SEPTIN6: variants seen among roughly 807,000 people sequenced by gnomAD.
SEPTIN6 encodes the protein septin-6.
SEPTIN6 carries 8 observed loss-of-function variants against 33.6 expected under a neutral mutation model. The observed-to-expected ratio is 0.24, with a 90% confidence interval of 0.14 to 0.43. The LOEUF is 0.43. SEPTIN6 is among the 20% of genes least tolerant of loss of function. The probability of loss-of-function intolerance (pLI) is 1.00; values close to 1 mark genes in which losing one functional copy is unlikely to be tolerated. For synonymous variants in SEPTIN6, 131 were observed against 140.0 expected, an observed-to-expected ratio of 0.94 and a Z score of 0.45; for missense variants, 250 against 340.8, an observed-to-expected ratio of 0.73 and a Z score of 2.10.
At chrX:119,664,388 C>T (rs1012976575) in intron 2 of SEPTIN6, among the ~76,000 whole-genome samples, 1 of 112,045 alleles carries the variant, frequency 8.9e-6, no homozygotes, top group African/African-American at 3.2e-5. Context: ...ACAATATACT[C>T]TTACCAATGG....
rs752117453 is a variant in SEPTIN6, at chrX:119,654,084, A to C, written c.342-1044T>G. On this transcript the variant is annotated intron_variant, in intron 3 of 10. Coordinates refer to ENST00000394610, the MANE Select transcript of SEPTIN6 (RefSeq NM_145799.4). ...ACCCCATCTCCAAAAACAAACAAAC[A>C]AACAAACAAAGTATTCAGGCAAAAT... Among the ~76,000 whole-genome samples, 3 of 110,389 alleles carry C rather than the reference A, an allele frequency of 2.7e-5. No homozygotes were observed. The South Asian group carries it at 1.2e-3, about 43-fold the overall frequency.
intron 2 of SEPTIN6, among the ~76,000 whole-genome samples, chrX:119,666,665 G>A (rs1187793189): frequency 9.0e-6 from 1 of 111,638 alleles, no homozygotes; most frequent in Admixed American, 9.5e-5. Context: ...CAGAGTGTGG[G>A]GAAATGGTTC....
chrX:119,617,426 G>C lies in SEPTIN6; in HGVS notation c.*2667C>G, dbSNP rs1010392586. The C allele has an allele frequency of 2.5e-6, 2 of 802,807 alleles. No individual in the cohort carries two copies. Among genetic ancestry groups the C allele is most frequent in the Non-Finnish European group, 3.0e-6 (2 of 669,399 alleles). 66.2% of individuals were successfully genotyped at this position (802,807 alleles called of 1,213,427 possible). A position where few individuals can be genotyped will look rare whatever the true frequency, so the allele number is the denominator to read the frequency against. ...GTTCACCAAACTTCCCTGATTATAA[G>C]GGTCACCTAGGGCACCTGTTACACA... On this transcript the variant is annotated 3_prime_UTR_variant, in exon 11 of 11. Coordinates refer to ENST00000394610, the MANE Select transcript of SEPTIN6 (RefSeq NM_145799.4).
intron 3 of SEPTIN6, among the ~76,000 whole-genome samples, chrX:119,655,693 C>T (rs2054430174): frequency 1.8e-5 from 2 of 111,682 alleles, no homozygotes; most frequent in Non-Finnish European, 3.8e-5. Context: ...AGACTCCATC[C>T]CTCCCCATCA....
chrX:119,675,520 C>CTGTAATAGAA (rs777858643), intron 2 of SEPTIN6, 34 bp downstream of exon 2: 1 of 865,039 alleles, frequency 1.2e-6, no homozygotes, highest in South Asian at 2.9e-5. Context: ...GATCCATATT[C>CTGTAATAGAA]TGTAATAGAA....
intron 2 of SEPTIN6, among the ~76,000 whole-genome samples, chrX:119,669,876 GT>G (rs887207533): frequency 6.3e-5 from 7 of 111,561 alleles, no homozygotes; most frequent in Non-Finnish European, 9.4e-5. Context: ...TTGTGTGACT[GT>G]TTTTTTCCAT....
intron 5 of SEPTIN6, among the ~76,000 whole-genome samples, chrX:119,649,186 T>C (rs757413509): frequency 3.0e-4 from 31 of 102,424 alleles, no homozygotes; most frequent in African/African-American, 9.4e-4. Flanking sequence ...TGGCGTAATC[T>C]TGGCTCACTG....
chrX:119,651,443 T>G (rs1184666473), intron 4 of SEPTIN6, among the ~76,000 whole-genome samples: 11 of 111,716 alleles, frequency 9.8e-5, no homozygotes. Flanking sequence ...GAGGCCAAGG[T>G]GGGCAGATCA....
chrX:119,628,350 C>G (rs1299466804), intron 9 of SEPTIN6, among the ~76,000 whole-genome samples: 1 of 108,975 alleles, frequency 9.2e-6, no homozygotes, highest in African/African-American at 3.4e-5. Flanking sequence ...GCGATCTCAA[C>G]TCACTGCAAC....
chrX:119,642,748 G>C (rs1202591509), intron 5 of SEPTIN6, among the ~76,000 whole-genome samples: 2 of 111,548 alleles, frequency 1.8e-5, no homozygotes, highest in African/African-American at 6.5e-5. Context: ...CTTCAGAGCA[G>C]AAGAACACAG....
At chrX:119,675,116 C>CA (rs1444381564) in intron 2 of SEPTIN6, among the ~76,000 whole-genome samples, 3 of 111,136 alleles carry the variant, frequency 2.7e-5, no homozygotes, top group Non-Finnish European at 5.7e-5. Context: ...GTGGTGCCTG[C>CA]ACCCGAGCTC....
chrX:119,645,777 A>G lies in SEPTIN6; in HGVS notation c.690+4160T>C, dbSNP rs925431882. On this transcript the variant is annotated intron_variant, in intron 5 of 10. Coordinates refer to ENST00000394610, the MANE Select transcript of SEPTIN6 (RefSeq NM_145799.4). ...GATCTCTTGACCTTGTGATTCGCCC[A>G]CCTTGGCCTCCCAAAGTGCTGGGAT... Among the ~76,000 whole-genome samples, 11 of 110,507 alleles carry G rather than the reference A, an allele frequency of 1.0e-4. No homozygotes were observed. The Admixed American group carries it at 1.1e-3, about 11-fold the overall frequency.
At chrX:119,686,703 G>T in intron 1 of SEPTIN6, 1 of 636,057 alleles carries the variant, frequency 1.6e-6, no homozygotes, top group Non-Finnish European at 2.2e-6. Context: ...CACTCCAGTT[G>T]TTACTTAAAA....
chrX:119,641,977 A>G (rs1218050021), intron 5 of SEPTIN6, among the ~76,000 whole-genome samples: 1 of 111,827 alleles, frequency 8.9e-6, no homozygotes, highest in East Asian at 2.8e-4. Context: ...AGCTCCTATG[A>G]TATGTGCTAG....
At chrX:119,654,183 G>A (rs5957204) in intron 3 of SEPTIN6, among the ~76,000 whole-genome samples, 14,195 of 110,900 alleles carry the variant, frequency 0.13, 900 homozygotes, top group African/African-American at 0.23. Context: ...GTCTCCACAC[G>A]CGGCTCCTCT....
At position 119,619,453 on chromosome X, in the gene SEPTIN6, C is replaced by T; in HGVS notation, c.*640G>A. The T allele has an allele frequency of 1.2e-6, 1 of 814,664 alleles. No individual in the cohort carries two copies. Among genetic ancestry groups the T allele is most frequent in the Non-Finnish European group, 1.5e-6 (1 of 676,648 alleles). The allele number at this position is 814,664 out of a possible 1,213,427, so 67.1% of individuals were successfully genotyped here. On this transcript the variant is annotated 3_prime_UTR_variant, in exon 11 of 11. Transcript: ENST00000394610. ...GGGCTTGGTGTAAATAAATGCGTTG[C>T]CGATTTTGAGCACAGCTTGAGTGCA...
At chrX:119,673,842 A>G (rs1385596948) in intron 2 of SEPTIN6, among the ~76,000 whole-genome samples, 5 of 55,149 alleles carry the variant, frequency 9.1e-5, no homozygotes, top group African/African-American at 2.5e-4. Context: ...ACTCTGTCTC[A>G]AAAAAAAAAA....
At chrX:119,679,098 C>T (rs1448997414) in intron 1 of SEPTIN6, among the ~76,000 whole-genome samples, 2 of 110,298 alleles carry the variant, frequency 1.8e-5, no homozygotes, top group Admixed American at 9.7e-5. Flanking sequence ...CACCACCGCA[C>T]CCGGCTAATT....
chrX:119,680,053 C>T (rs1255875844), intron 1 of SEPTIN6, among the ~76,000 whole-genome samples: 1 of 109,964 alleles, frequency 9.1e-6, no homozygotes, highest in Non-Finnish European at 1.9e-5. Context: ...TTAGCTGTTA[C>T]TAAAAAAATT....
Sources: allele counts gnomAD v4.1 joint callset (sites outside exome capture counted in the v4.1 genomes callset), GRCh38; gene constraint gnomAD v4.1.1; transcripts MANE v1.5; gene names NCBI Gene and HGNC (gene_info 2026-07-23, HGNC 2026-07-21).